The following NRXN3 variants were observed in gnomAD, a reference collection of about 807,000 sequenced individuals.
NRXN3 encodes the protein neurexin III.
Under a neutral mutation model 137.6 loss-of-function variants are expected in NRXN3, and 32 were observed. The ratio of observed to expected loss-of-function variants is 0.23; its 90% confidence interval spans 0.18 to 0.31. The LOEUF (loss-of-function observed/expected upper bound fraction) is 0.31, where lower values mean the gene tolerates loss of function less well. Ranked by LOEUF, NRXN3 falls within the 10% of genes least tolerant of loss-of-function variation. The pLI is 1.00. For synonymous variants in NRXN3, 798 were observed against 784.5 expected (o/e 1.02, Z -0.29); for missense variants, 1,574 against 2,062.5 (o/e 0.76, Z 4.59).
At chr14:78,273,317 A>G (rs2073078547) in intron 2 of NRXN3, among the ~76,000 whole-genome samples, 1 of 152,210 alleles carries the variant, frequency 6.6e-6, no homozygotes. Context: ...GAGTGTGGTA[A>G]TAGTTCCTAC....
chr14:78,958,255 C>T (rs1051866667), intron 11 of NRXN3, among the ~76,000 whole-genome samples: 1 of 151,972 alleles, frequency 6.6e-6, no homozygotes, highest in Non-Finnish European at 1.5e-5. Context: ...AAACGTAGAT[C>T]TTCAGACTGA....
chr14:78,987,019 C>CAAAAAAAAAAA (rs36081362), intron 14 of NRXN3, among the ~76,000 whole-genome samples: 1 of 54,102 alleles, frequency 1.8e-5, no homozygotes, highest in African/African-American at 5.3e-5. Context: ...GAGACTGTCT[C>CAAAAAAAAAAA]AAAAAAAAAA....
intron 1 of NRXN3, among the ~76,000 whole-genome samples, chr14:78,171,828 A>G (rs1301156124): frequency 2.0e-5 from 3 of 151,918 alleles, no homozygotes; most frequent in Non-Finnish European, 4.4e-5. Flanking sequence ...AGAACATCAT[A>G]TTTTTGCTAA....
chr14:78,845,728 C>T (rs575789981), intron 10 of NRXN3, among the ~76,000 whole-genome samples: 164 of 152,114 alleles, frequency 1.1e-3, no homozygotes, highest in African/African-American at 3.7e-3. Flanking sequence ...ATTCATTCTG[C>T]GTGTAAGATC....
intron 19 of NRXN3, among the ~76,000 whole-genome samples, chr14:79,753,042 A>G (rs1452311228): frequency 4.0e-5 from 6 of 150,914 alleles, no homozygotes; most frequent in Non-Finnish European, 4.5e-5. Flanking sequence ...ACCAGTTAGA[A>G]TGGCAATCAT....
At chr14:79,004,086 A>G (rs892410490) in intron 15 of NRXN3, among the ~76,000 whole-genome samples, 2 of 152,208 alleles carry the variant, frequency 1.3e-5, no homozygotes, top group East Asian at 3.9e-4. Flanking sequence ...GAGAACAAAC[A>G]CATCTTAAGA....
At chr14:78,913,835 C>T (rs2099247708) in intron 10 of NRXN3, among the ~76,000 whole-genome samples, 1 of 152,278 alleles carries the variant, frequency 6.6e-6, no homozygotes, top group South Asian at 2.1e-4. Context: ...GCTTTCCCCA[C>T]ACTTGGTAAT....
chr14:79,474,369 C>T (rs762054115), intron 16 of NRXN3, among the ~76,000 whole-genome samples: 2 of 152,104 alleles, frequency 1.3e-5, no homozygotes, highest in African/African-American at 4.8e-5. Flanking sequence ...ATTAGAGAAA[C>T]ATATATAGAA....
At chr14:78,864,719 A>C (rs2099082081) in intron 10 of NRXN3, among the ~76,000 whole-genome samples, 1 of 152,166 alleles carries the variant, frequency 6.6e-6, no homozygotes, top group Non-Finnish European at 1.5e-5. Flanking sequence ...GAAACAGGGA[A>C]TCCTGTGTAT....
At chr14:79,624,766 CTCTT>C (rs1258603190) in intron 16 of NRXN3, among the ~76,000 whole-genome samples, 1 of 150,146 alleles carries the variant, frequency 6.7e-6, no homozygotes, top group Non-Finnish European at 1.5e-5. Flanking sequence ...TGAGATCAAA[CTCTT>C]TCACTCTCTC....
chr14:79,542,640 T>C (rs1466436546), intron 16 of NRXN3, among the ~76,000 whole-genome samples: 1 of 152,164 alleles, frequency 6.6e-6, no homozygotes, highest in Non-Finnish European at 1.5e-5. Context: ...TTTTTAAGCT[T>C]TCTCCCTCCC....
At chr14:78,376,740 C>A (rs2087922533) in intron 4 of NRXN3, among the ~76,000 whole-genome samples, 1 of 152,114 alleles carries the variant, frequency 6.6e-6, no homozygotes, top group South Asian at 2.1e-4. Context: ...GCCTACAGGA[C>A]AGAAAACCCT....
At chr14:78,982,000 C>T (rs997035398) in intron 14 of NRXN3, among the ~76,000 whole-genome samples, 2 of 152,112 alleles carry the variant, frequency 1.3e-5, no homozygotes, top group Non-Finnish European at 2.9e-5. Context: ...ATAGTTATTA[C>T]ATACTGTACT....
intron 1 of NRXN3, among the ~76,000 whole-genome samples, chr14:78,194,187 C>G (rs2061016206): frequency 6.6e-6 from 1 of 152,222 alleles, no homozygotes; most frequent in African/African-American, 2.4e-5. Context: ...ACCACAGATT[C>G]ATCCCATTGC....
intron 15 of NRXN3, among the ~76,000 whole-genome samples, chr14:79,103,794 C>T (rs974423198): frequency 2.6e-5 from 4 of 152,176 alleles, no homozygotes; most frequent in African/African-American, 9.7e-5. Flanking sequence ...TTTCAGTTCT[C>T]AAATGTATAT....
At chr14:78,423,633 C>A (rs965028156) in intron 4 of NRXN3, among the ~76,000 whole-genome samples, 6 of 152,166 alleles carry the variant, frequency 3.9e-5, no homozygotes, top group Non-Finnish European at 8.8e-5. Flanking sequence ...AGTAAAGTAG[C>A]CTTAGCTACA....
chr14:79,103,900 C>T (rs1046390274), intron 15 of NRXN3, among the ~76,000 whole-genome samples: 9 of 152,158 alleles, frequency 5.9e-5, no homozygotes, highest in Non-Finnish European at 1.2e-4. Context: ...CACCAACACA[C>T]ATGTGCAAAT....
At chr14:78,374,779 A>G (rs1278907029) in intron 4 of NRXN3, among the ~76,000 whole-genome samples, 1 of 79,190 alleles carries the variant, frequency 1.3e-5, no homozygotes, top group Admixed American at 1.8e-4. Flanking sequence ...CAAAAAAAAA[A>G]AAAAAAAAAA....
At chr14:78,469,024 A>T (rs1279683673) in intron 4 of NRXN3, among the ~76,000 whole-genome samples, 1 of 151,984 alleles carries the variant, frequency 6.6e-6, no homozygotes, top group African/African-American at 2.4e-5. Context: ...GGAGGGAGAA[A>T]ATAAGTTTAG....
Sources: gnomAD v4.1 joint callset for allele counts (sites outside exome capture counted in the v4.1 genomes callset) on GRCh38, gnomAD v4.1.1 for gene constraint, MANE v1.5 for transcripts, NCBI Gene and HGNC (gene_info 2026-07-23, HGNC 2026-07-21) for gene names.